Variants in TPX2 observed in about 807,000 individuals in gnomAD.
TPX2 encodes the protein targeting protein for Xklp2.
Under a neutral mutation model 93.6 loss-of-function variants are expected in TPX2, and 21 were observed. The ratio of observed to expected loss-of-function variants is 0.22; its 90% CI spans 0.16 to 0.32. The LOEUF is 0.32. Ranked by LOEUF, TPX2 falls within the 10% of genes least tolerant of loss-of-function variation. The pLI is 1.00. For synonymous variants in TPX2, 281 were observed against 298.3 expected (o/e 0.94, Z 0.60); for missense variants, 776 against 871.1 (o/e 0.89, Z 1.37).
intron 2 of TPX2, among the ~76,000 whole-genome samples, chr20:31,748,415 A>C (rs1245002432): frequency 6.6e-6 from 1 of 152,160 alleles, no homozygotes; most frequent in Non-Finnish European, 1.5e-5. Flanking sequence ...GGAAAAGTAT[A>C]CTTAAAAAAA....
chr20:31,759,706 TTTTC>T (rs1268111109), intron 3 of TPX2, among the ~76,000 whole-genome samples: 4 of 152,044 alleles, frequency 2.6e-5, no homozygotes, highest in Non-Finnish European at 4.4e-5. Flanking sequence ...CTGGTTACAG[TTTTC>T]TTTAAGAGGA....
intron 13 of TPX2, 125 bp from the exon 14 acceptor site, chr20:31,793,723 C>A: frequency 2.1e-6 from 2 of 939,958 alleles, no homozygotes; most frequent in Non-Finnish European, 1.5e-6. Flanking sequence ...GAAAAGGAAG[C>A]TAAGACTTCC....
intron 12 of TPX2, among the ~76,000 whole-genome samples, chr20:31,788,275 G>C (rs1039156480): frequency 1.3e-5 from 2 of 151,834 alleles, no homozygotes; most frequent in Non-Finnish European, 2.9e-5. Flanking sequence ...AAAATTAGCC[G>C]GGCGTGGTGG....
At chr20:31,756,993 ATAATTT>A (rs1419896207) in intron 2 of TPX2, among the ~76,000 whole-genome samples, 8 of 151,920 alleles carry the variant, frequency 5.3e-5, no homozygotes, top group Non-Finnish European at 1.2e-4. Flanking sequence ...TTACTTAAAG[ATAATTT>A]TTATTTTTTT....
intron 3 of TPX2, among the ~76,000 whole-genome samples, chr20:31,758,119 ATT>A (rs35354345): frequency 0.28 from 31,648 of 114,394 alleles, 3,986 homozygotes; most frequent in African/African-American, 0.48. Context: ...CCCTCAATTC[ATT>A]TTTTTTTTTT....
At chr20:31,758,309 A>T (rs936916606) in intron 3 of TPX2, among the ~76,000 whole-genome samples, 3 of 151,876 alleles carry the variant, frequency 2.0e-5, no homozygotes, top group African/African-American at 7.3e-5. Flanking sequence ...TAGTAGAGAC[A>T]GTGTTTTGCC....
At chr20:31,788,649 ATGGGCT>A (rs1219305343) in intron 12 of TPX2, among the ~76,000 whole-genome samples, 3 of 151,934 alleles carry the variant, frequency 2.0e-5, no homozygotes, top group Non-Finnish European at 4.4e-5. Context: ...TTGATGAAAG[ATGGGCT>A]TGGGCAGCAG....
At chr20:31,782,205 G>A (rs1216259164) in intron 10 of TPX2, 44 bp from the exon 11 acceptor site, 3 of 1,570,050 alleles carry the variant, frequency 1.9e-6, no homozygotes, top group African/African-American at 2.7e-5. Context: ...CAAGTAAACT[G>A]GGTCTTGCGG....
intron 16 of TPX2, 62 bp from the exon 17 acceptor site, chr20:31,798,302 AG>A (rs934726762): frequency 6.2e-7 from 1 of 1,602,508 alleles, no homozygotes; most frequent in Non-Finnish European, 8.5e-7. Flanking sequence ...TGCTCATTCC[AG>A]GGGGCGTAGG....
At chr20:31,750,732 G>A (rs1201561927) in intron 2 of TPX2, among the ~76,000 whole-genome samples, 1 of 152,130 alleles carries the variant, frequency 6.6e-6, no homozygotes, top group Admixed American at 6.6e-5. Flanking sequence ...ATTTGGGTAA[G>A]TTAATAGTCA....
chr20:31,743,162 C>T (rs182411379), intron 2 of TPX2, among the ~76,000 whole-genome samples: 177 of 152,240 alleles, frequency 1.2e-3, no homozygotes, highest in Non-Finnish European at 2.0e-3. Context: ...TGCAAGTGAG[C>T]CAAGATCTCA....
chr20:31,762,498 C>T (rs926838815), intron 4 of TPX2, among the ~76,000 whole-genome samples: 5 of 152,026 alleles, frequency 3.3e-5, no homozygotes, highest in African/African-American at 1.2e-4. Flanking sequence ...TACAGGCGCG[C>T]ACCACCACAC....
intron 14 of TPX2, 94 bp downstream of exon 14, chr20:31,794,118 ACTT>A: frequency 2.3e-6 from 3 of 1,289,960 alleles, no homozygotes; most frequent in Admixed American, 2.7e-5. Context: ...AAAATCACTG[ACTT>A]CTTTTGATCT....
At chr20:31,757,856 A>G (rs965313014) in intron 3 of TPX2, among the ~76,000 whole-genome samples, 3 of 152,322 alleles carry the variant, frequency 2.0e-5, no homozygotes, top group Middle Eastern at 3.4e-3. Context: ...CCAGTGTTCA[A>G]CAAAACTCCA....
chr20:31,763,661 A>C (rs557319299), intron 4 of TPX2, among the ~76,000 whole-genome samples: 1 of 151,432 alleles, frequency 6.6e-6, no homozygotes, highest in East Asian at 1.9e-4. Flanking sequence ...TAGGATTGTT[A>C]TGTCACGTTG....
At chr20:31,759,502 C>T (rs1286977873) in intron 3 of TPX2, among the ~76,000 whole-genome samples, 3 of 147,508 alleles carry the variant, frequency 2.0e-5, no homozygotes, top group Admixed American at 6.9e-5. Context: ...CAGGTTCAAG[C>T]GATTCCCCTG....
chr20:31,773,324 T>C (rs894260585), intron 7 of TPX2, among the ~76,000 whole-genome samples: 4 of 151,754 alleles, frequency 2.6e-5, no homozygotes, highest in Non-Finnish European at 5.9e-5. Flanking sequence ...GCTCATTTTT[T>C]ATTTTTAGTA....
chr20:31,745,484 C>T (rs148848665), intron 2 of TPX2, among the ~76,000 whole-genome samples: 2,121 of 152,282 alleles, frequency 0.014, 54 homozygotes, highest in African/African-American at 0.048. Context: ...CACGCCACCA[C>T]ACCTGGCTAA....
intron 2 of TPX2, among the ~76,000 whole-genome samples, chr20:31,749,357 A>G (rs1035060781): frequency 2.0e-5 from 3 of 152,252 alleles, no homozygotes; most frequent in Non-Finnish European, 4.4e-5. Context: ...GTGAATAAGT[A>G]GTAAATCTCT....
Sources: allele counts gnomAD v4.1 joint callset (sites outside exome capture counted in the v4.1 genomes callset), GRCh38; gene constraint gnomAD v4.1.1; transcripts MANE v1.5; gene names NCBI Gene and HGNC (gene_info 2026-07-23, HGNC 2026-07-21).